The following AUTS2 variants were observed in gnomAD, a reference collection of about 807,000 sequenced individuals.
AUTS2 encodes autism susceptibility gene 2 protein.
In AUTS2, 17 loss-of-function variants were observed where a neutral mutation model predicts 112.4. The ratio of observed to expected loss-of-function variants is 0.15; its 90% CI spans 0.10 to 0.23. The LOEUF is 0.23. Among genes scored for constraint, AUTS2 ranks in the 10% least tolerant of loss-of-function variants. AUTS2 has a pLI of 1.00. For synonymous variants in AUTS2, 751 were observed against 702.7 expected (o/e 1.07, Z -1.09); for missense variants, 1,510 against 1,701.6 (o/e 0.89, Z 1.98).
chr7:69,990,283 C>A (rs909702762), intron 2 of AUTS2, among the ~76,000 whole-genome samples: 2 of 152,056 alleles, frequency 1.3e-5, no homozygotes, highest in Admixed American at 1.3e-4. Flanking sequence ...AAGTATTTTG[C>A]GGTCAATTTG....
chr7:69,983,222 T>C (rs976947525), intron 2 of AUTS2, among the ~76,000 whole-genome samples: 1 of 152,214 alleles, frequency 6.6e-6, no homozygotes, highest in Non-Finnish European at 1.5e-5. Flanking sequence ...TATATACTTT[T>C]ATATTTTCCT....
chr7:70,395,124 T>TG (rs1794023800), intron 4 of AUTS2, among the ~76,000 whole-genome samples: 2 of 151,688 alleles, frequency 1.3e-5, no homozygotes, highest in African/African-American at 2.4e-5. Flanking sequence ...GTGGGGAAGG[T>TG]GGGGCAAGGA....
intron 2 of AUTS2, among the ~76,000 whole-genome samples, chr7:70,066,836 G>C (rs984824933): frequency 6.6e-6 from 1 of 151,986 alleles, no homozygotes; most frequent in Non-Finnish European, 1.5e-5. Flanking sequence ...CGCCACTCCT[G>C]GCCCCCAGTA....
intron 5 of AUTS2, among the ~76,000 whole-genome samples, chr7:70,621,903 G>A (rs757681579): frequency 7.4e-6 from 1 of 134,984 alleles, no homozygotes; most frequent in Admixed American, 8.3e-5. Flanking sequence ...CTGGAGTGCA[G>A]TGGTGCAATC....
intron 1 of AUTS2, among the ~76,000 whole-genome samples, chr7:69,626,651 C>G (rs1430515538): frequency 6.6e-6 from 1 of 152,166 alleles, no homozygotes; most frequent in African/African-American, 2.4e-5. Flanking sequence ...ATCAAGTGAA[C>G]AAGCTGAAAG....
intron 1 of AUTS2, among the ~76,000 whole-genome samples, chr7:69,680,393 C>G (rs961729641): frequency 6.6e-6 from 1 of 152,154 alleles, no homozygotes; most frequent in Non-Finnish European, 1.5e-5. Flanking sequence ...CTGTCTTTAT[C>G]TACTTATTGT....
intron 5 of AUTS2, among the ~76,000 whole-genome samples, chr7:70,589,686 C>A (rs1171370886): frequency 6.6e-6 from 1 of 152,120 alleles, no homozygotes; most frequent in African/African-American, 2.4e-5. Context: ...TGCACTCTAG[C>A]CTGGGTGATA....
At chr7:69,815,877 T>A (rs1446768567) in intron 1 of AUTS2, among the ~76,000 whole-genome samples, 1 of 152,176 alleles carries the variant, frequency 6.6e-6, no homozygotes, top group African/African-American at 2.4e-5. Context: ...CTGTTAATGG[T>A]GAGATACAAC....
chr7:70,080,815 T>C (rs1156732929), intron 2 of AUTS2, among the ~76,000 whole-genome samples: 1 of 152,192 alleles, frequency 6.6e-6, no homozygotes, highest in African/African-American at 2.4e-5. Context: ...AGTCAGGATT[T>C]TAAATGCCAC....
intron 4 of AUTS2, among the ~76,000 whole-genome samples, chr7:70,366,834 G>C (rs1335233578): frequency 6.6e-6 from 1 of 152,174 alleles, no homozygotes; most frequent in Non-Finnish European, 1.5e-5. Context: ...GCATGGGAGA[G>C]TATGTCCAAT....
At chr7:70,578,135 T>C (rs545582300) in intron 5 of AUTS2, among the ~76,000 whole-genome samples, 1 of 152,310 alleles carries the variant, frequency 6.6e-6, no homozygotes, top group South Asian at 2.1e-4. Context: ...TGGCCTTTTG[T>C]CCATATGTGT....
chr7:70,108,510 A>G (rs1428783473), intron 2 of AUTS2, among the ~76,000 whole-genome samples: 2 of 151,836 alleles, frequency 1.3e-5, no homozygotes, highest in Non-Finnish European at 1.5e-5. Flanking sequence ...TACTTCCTCT[A>G]TATCCCTACA....
intron 2 of AUTS2, among the ~76,000 whole-genome samples, chr7:69,965,822 C>G (rs1797614241): frequency 6.6e-6 from 1 of 152,086 alleles, no homozygotes. Flanking sequence ...CCCTGCAATC[C>G]TTCACTGTAT....
chr7:70,312,695 C>G (rs1789815719), intron 4 of AUTS2, among the ~76,000 whole-genome samples: 2 of 152,208 alleles, frequency 1.3e-5, no homozygotes, highest in Non-Finnish European at 2.9e-5. Context: ...TGCAGAAATT[C>G]CGTCCAAAGT....
chr7:70,150,485 T>G (rs1401095575), intron 4 of AUTS2, among the ~76,000 whole-genome samples: 1 of 152,208 alleles, frequency 6.6e-6, no homozygotes, highest in Non-Finnish European at 1.5e-5. Flanking sequence ...CCAGTAGACA[T>G]GCTGTTCTTA....
intron 5 of AUTS2, among the ~76,000 whole-genome samples, chr7:70,594,556 C>T (rs915481632): frequency 3.2e-4 from 48 of 152,262 alleles, no homozygotes; most frequent in African/African-American, 1.1e-3. Flanking sequence ...GGATGGGAGC[C>T]CTTCTAGACT....
chr7:70,642,140 A>G (rs1805867493), intron 5 of AUTS2, among the ~76,000 whole-genome samples: 1 of 152,202 alleles, frequency 6.6e-6, no homozygotes, highest in Non-Finnish European at 1.5e-5. Flanking sequence ...TTGATAGTAT[A>G]AAGTATTATA....
chr7:70,524,765 C>T (rs1414449025), intron 5 of AUTS2, among the ~76,000 whole-genome samples: 1 of 152,206 alleles, frequency 6.6e-6, no homozygotes, highest in Non-Finnish European at 1.5e-5. Context: ...TATTCTTCCT[C>T]TCAAATAAAT....
intron 5 of AUTS2, among the ~76,000 whole-genome samples, chr7:70,560,391 A>G (rs80161653): frequency 0.015 from 2,280 of 152,280 alleles, 53 homozygotes; most frequent in African/African-American, 0.052. Flanking sequence ...TGTCTGTCAT[A>G]TTCGCTGCTA....
Sources: gnomAD v4.1 joint callset for allele counts (sites outside exome capture counted in the v4.1 genomes callset) on GRCh38, gnomAD v4.1.1 for gene constraint, MANE v1.5 for transcripts, NCBI Gene and HGNC (gene_info 2026-07-23, HGNC 2026-07-21) for gene names.